Variants in GPC6 observed in about 807,000 individuals in gnomAD.
GPC6 encodes glypican 6, also known as glypican-6.
Under a neutral mutation model 55.2 loss-of-function variants are expected in GPC6, and 14 were observed. The ratio of observed to expected loss-of-function variants is 0.25; its 90% CI spans 0.17 to 0.40. The LOEUF is 0.40. Among genes scored for constraint, GPC6 ranks in the 10% least tolerant of loss-of-function variants. GPC6 has a pLI of 1.00. For synonymous variants in GPC6, 278 were observed against 259.6 expected (o/e 1.07, Z -0.68); for missense variants, 641 against 708.5 (o/e 0.90, Z 1.08).
At chr13:94,260,007 T>C (rs1475803885) in intron 4 of GPC6, among the ~76,000 whole-genome samples, 2 of 152,218 alleles carry the variant, frequency 1.3e-5, no homozygotes, top group African/African-American at 2.4e-5. Context: ...TACATGGGTA[T>C]ATAGTATCTA....
intron 1 of GPC6, among the ~76,000 whole-genome samples, chr13:93,336,338 G>A (rs1189550062): frequency 5.3e-5 from 8 of 152,268 alleles, no homozygotes. Flanking sequence ...GTCTTCCCCT[G>A]GTAGGGTTCC....
intron 2 of GPC6, among the ~76,000 whole-genome samples, chr13:93,822,645 G>T (rs1315538425): frequency 6.8e-6 from 1 of 146,536 alleles, no homozygotes; most frequent in Non-Finnish European, 1.5e-5. Context: ...CTCTCCCTGT[G>T]TCCATGTGTT....
rs149410555 is a variant in GPC6, at chr13:94,301,831, A to G, written c.1009-4149A>G. On this transcript the variant is annotated intron_variant, in intron 5 of 8. Transcript: ENST00000377047. ...CAATCTCCATCTCCAGCCATAACCA[A>G]CTGATCTACTGACTCTCATTGAACC... is the stretch of plus-strand genomic sequence containing the variant. Among the ~76,000 whole-genome samples, 792 of 152,280 alleles carry G rather than the reference A, an allele frequency of 5.2e-3. 5 individuals carry two copies. Among genetic ancestry groups the G allele is most frequent in the African/African-American group, 0.018 (749 of 41,552 alleles).
At chr13:94,110,077 AAAAAG>A (rs1162311167) in intron 4 of GPC6, among the ~76,000 whole-genome samples, 43 of 151,606 alleles carry the variant, frequency 2.8e-4, no homozygotes, top group African/African-American at 9.9e-4. Flanking sequence ...AAAAAAAAAA[AAAAAG>A]AAAAGAAAAA....
intron 2 of GPC6, among the ~76,000 whole-genome samples, chr13:93,570,488 A>G (rs1797372598): frequency 6.6e-6 from 1 of 152,178 alleles, no homozygotes; most frequent in Admixed American, 6.6e-5. Context: ...GCTAATGGCC[A>G]TGCCATTCGA....
At chr13:93,251,627 A>G (rs1016214870) in intron 1 of GPC6, among the ~76,000 whole-genome samples, 1 of 152,132 alleles carries the variant, frequency 6.6e-6, no homozygotes, top group Non-Finnish European at 1.5e-5. Context: ...TTACCTTTTC[A>G]ACTCTGGTTT....
intron 2 of GPC6, among the ~76,000 whole-genome samples, chr13:93,803,384 A>G (rs7982621): frequency 0.047 from 7,127 of 152,202 alleles, 530 homozygotes; most frequent in African/African-American, 0.16. Context: ...CCAGTATAAG[A>G]TACCTTTTCC....
chr13:93,887,772 T>C (rs1030609935), intron 3 of GPC6, among the ~76,000 whole-genome samples: 14 of 152,178 alleles, frequency 9.2e-5, no homozygotes, highest in Non-Finnish European at 1.5e-4. Context: ...CTAGGCTTAA[T>C]AATCAGTTTG....
At chr13:93,777,549 G>A (rs1885510431) in intron 2 of GPC6, among the ~76,000 whole-genome samples, 1 of 152,198 alleles carries the variant, frequency 6.6e-6, no homozygotes, top group Non-Finnish European at 1.5e-5. Flanking sequence ...CTGGCTTGGG[G>A]AAAAGATAGC....
chr13:93,574,776 C>A (rs1394425141), intron 2 of GPC6, among the ~76,000 whole-genome samples: 1 of 152,038 alleles, frequency 6.6e-6, no homozygotes, highest in Non-Finnish European at 1.5e-5. Flanking sequence ...TGCGTTCTGT[C>A]TAGAGATTTG....
intron 1 of GPC6, among the ~76,000 whole-genome samples, chr13:93,376,021 A>G (rs528861097): frequency 6.7e-6 from 1 of 148,790 alleles, no homozygotes; most frequent in South Asian, 2.1e-4. Flanking sequence ...CCAGTTGGTT[A>G]TTTGTGCAAT....
chr13:94,031,059 T>G (rs1008858199), intron 4 of GPC6, among the ~76,000 whole-genome samples: 1 of 149,410 alleles, frequency 6.7e-6, no homozygotes, highest in Non-Finnish European at 1.5e-5. Context: ...CGTTTGTGCG[T>G]GTGCATGTGC....
chr13:93,370,836 G>C (rs922233508), intron 1 of GPC6, among the ~76,000 whole-genome samples: 1 of 152,126 alleles, frequency 6.6e-6, no homozygotes, highest in African/African-American at 2.4e-5. Flanking sequence ...GTATCATTGC[G>C]TTGTAATTCC....
chr13:93,497,090 ACT>A (rs1880331236), intron 1 of GPC6, among the ~76,000 whole-genome samples: 1 of 152,006 alleles, frequency 6.6e-6, no homozygotes, highest in African/African-American at 2.4e-5. Flanking sequence ...CTGCAGCCTG[ACT>A]CTCTATGGTT....
intron 1 of GPC6, among the ~76,000 whole-genome samples, chr13:93,366,544 C>T (rs1261565744): frequency 3.9e-5 from 6 of 152,044 alleles, no homozygotes; most frequent in Admixed American, 3.9e-4. Flanking sequence ...ATGAGCCACC[C>T]ACATTCCTCC....
chr13:93,296,587 C>T (rs1878502544), intron 1 of GPC6, among the ~76,000 whole-genome samples: 1 of 152,106 alleles, frequency 6.6e-6, no homozygotes, highest in Non-Finnish European at 1.5e-5. Context: ...TCTCAAGGGA[C>T]TGCCTTTCCC....
intron 1 of GPC6, among the ~76,000 whole-genome samples, chr13:93,296,560 T>G (rs945696670): frequency 6.6e-6 from 1 of 152,024 alleles, no homozygotes; most frequent in African/African-American, 2.4e-5. Context: ...GACAAAAGCC[T>G]TCCATATCCG....
intron 1 of GPC6, among the ~76,000 whole-genome samples, chr13:93,320,404 G>T (rs915015152): frequency 2.0e-5 from 3 of 151,768 alleles, no homozygotes; most frequent in African/African-American, 7.3e-5. Flanking sequence ...AGTGCTCAAA[G>T]TAAAGGAGAG....
chr13:93,899,705 A>G (rs1277909900), intron 3 of GPC6, among the ~76,000 whole-genome samples: 2 of 152,156 alleles, frequency 1.3e-5, no homozygotes, highest in African/African-American at 4.8e-5. Context: ...TACCATAATA[A>G]AAAGGCCTGA....
Sources: allele counts gnomAD v4.1 joint callset (sites outside exome capture counted in the v4.1 genomes callset), GRCh38; gene constraint gnomAD v4.1.1; transcripts MANE v1.5; gene names NCBI Gene and HGNC (gene_info 2026-07-23, HGNC 2026-07-21).